The following NREP variants were observed in gnomAD, a reference collection of about 807,000 sequenced individuals.
NREP encodes neuronal regeneration-related protein.
NREP carries 5 observed loss-of-function variants against 8.6 expected under a neutral mutation model. The ratio of observed to expected loss-of-function variants is 0.58; its 90% CI spans 0.30 to 1.22. The LOEUF (loss-of-function observed/expected upper bound fraction) is 1.22. Among genes scored for constraint, NREP ranks in the 50% most tolerant of loss-of-function variants. NREP has a pLI of 0.07. For synonymous variants in NREP, 27 were observed against 28.0 expected (o/e 0.96, Z 0.11); for missense variants, 86 against 82.5 (o/e 1.04, Z -0.17).
intron 2 of NREP, among the ~76,000 whole-genome samples, chr5:111,782,878 T>A (rs541658510): frequency 1.3e-5 from 2 of 151,920 alleles, no homozygotes; most frequent in East Asian, 1.9e-4. Flanking sequence ...GTGATTACAG[T>A]CATATGGCAC....
chr5:111,840,201 A>T (rs1581156899), intron 2 of NREP, among the ~76,000 whole-genome samples: 1 of 152,060 alleles, frequency 6.6e-6, no homozygotes, highest in East Asian at 1.9e-4. Context: ...TGTTAGGGGT[A>T]TATAACACGG....
At chr5:111,756,602 ATTTATT>A (rs1292118830) in intron 1 of NREP, among the ~76,000 whole-genome samples, 1 of 152,194 alleles carries the variant, frequency 6.6e-6, no homozygotes, top group East Asian at 1.9e-4. Flanking sequence ...AAAAACAGTC[ATTTATT>A]TTTAAGGCCC....
intron 2 of NREP, among the ~76,000 whole-genome samples, chr5:111,914,768 T>C (rs1561724843): frequency 6.6e-6 from 1 of 151,920 alleles, no homozygotes; most frequent in Non-Finnish European, 1.5e-5. Context: ...CAAAATGGAG[T>C]TTTTGGCCTC....
chr5:111,958,785 A>G (rs563699530), intron 2 of NREP, among the ~76,000 whole-genome samples: 16 of 152,110 alleles, frequency 1.1e-4, no homozygotes, highest in Admixed American at 8.5e-4. Flanking sequence ...AACACAGACA[A>G]GCTGATTATA....
intron 2 of NREP, among the ~76,000 whole-genome samples, chr5:111,884,044 T>C (rs998157133): frequency 2.0e-5 from 3 of 152,080 alleles, no homozygotes; most frequent in Non-Finnish European, 2.9e-5. Flanking sequence ...AGCTGGTTTT[T>C]TGAAAGGATC....
intron 2 of NREP, among the ~76,000 whole-genome samples, chr5:111,906,536 G>T (rs1176995803): frequency 6.6e-6 from 1 of 151,980 alleles, no homozygotes; most frequent in Admixed American, 6.6e-5. Flanking sequence ...GTACAACATT[G>T]CTTGAAAATA....
At chr5:111,905,731 CAT>C (rs1561720421) in intron 2 of NREP, among the ~76,000 whole-genome samples, 1 of 152,056 alleles carries the variant, frequency 6.6e-6, no homozygotes, top group Non-Finnish European at 1.5e-5. Context: ...CTATATGCAT[CAT>C]AGTTAGACTT....
intron 2 of NREP, among the ~76,000 whole-genome samples, chr5:111,820,399 T>TA: frequency 6.6e-6 from 1 of 152,300 alleles, no homozygotes; most frequent in East Asian, 1.9e-4. Flanking sequence ...AAGTAAGTCT[T>TA]AGAGAGTAGG....
intron 2 of NREP, among the ~76,000 whole-genome samples, chr5:111,972,441 CTT>C (rs1441402502): frequency 6.6e-6 from 1 of 152,178 alleles, no homozygotes; most frequent in Non-Finnish European, 1.5e-5. Flanking sequence ...ATTCTAAACT[CTT>C]TGAAGAATCA....
chr5:111,967,184 C>A (rs1180308369), intron 2 of NREP, among the ~76,000 whole-genome samples: 2 of 152,194 alleles, frequency 1.3e-5, no homozygotes, highest in Non-Finnish European at 2.9e-5. Flanking sequence ...GATTGAGAAA[C>A]CCTGACCTAG....
chr5:111,905,282 A>G (rs181921610), intron 2 of NREP, among the ~76,000 whole-genome samples: 81 of 152,280 alleles, frequency 5.3e-4, no homozygotes, highest in African/African-American at 1.7e-3. Context: ...TAACATTGTA[A>G]GAAACTACCA....
intron 2 of NREP, among the ~76,000 whole-genome samples, chr5:111,782,835 A>G (rs2112884847): frequency 6.6e-6 from 1 of 152,044 alleles, no homozygotes; most frequent in Non-Finnish European, 1.5e-5. Flanking sequence ...CCTGGGTTCA[A>G]GCAATTCTCA....
At chr5:111,756,385 C>T (rs1750713092) in intron 1 of NREP, 1 of 366,812 alleles carries the variant, frequency 2.7e-6, no homozygotes, top group African/African-American at 2.3e-5. Context: ...ACCAAATAAA[C>T]ATTAATGTAC....
At chr5:111,940,900 G>A (rs1755810767) in intron 2 of NREP, among the ~76,000 whole-genome samples, 1 of 152,016 alleles carries the variant, frequency 6.6e-6, no homozygotes, top group Non-Finnish European at 1.5e-5. Flanking sequence ...TCAGCCAAAG[G>A]GAGAGGCACA....
intron 2 of NREP, among the ~76,000 whole-genome samples, chr5:111,877,885 T>C (rs1439767337): frequency 6.6e-5 from 10 of 151,982 alleles, no homozygotes; most frequent in African/African-American, 1.9e-4. Flanking sequence ...GTACCACACA[T>C]AGGGCCACAC....
chr5:111,889,079 T>G (rs1205072364), intron 2 of NREP, among the ~76,000 whole-genome samples: 6 of 152,254 alleles, frequency 3.9e-5, no homozygotes, highest in African/African-American at 1.4e-4. Flanking sequence ...TGTATTAGGC[T>G]CTTCTTGCCT....
At chr5:111,970,063 T>C (rs1041106530) in intron 2 of NREP, among the ~76,000 whole-genome samples, 3 of 152,222 alleles carry the variant, frequency 2.0e-5, no homozygotes, top group African/African-American at 7.2e-5. Context: ...AACTTAAAAA[T>C]GTTTCCTCTT....
At chr5:111,769,011 C>G (rs1751153170) in intron 2 of NREP, among the ~76,000 whole-genome samples, 1 of 152,210 alleles carries the variant, frequency 6.6e-6, no homozygotes, top group Admixed American at 6.5e-5. Flanking sequence ...TCTCTGCAGC[C>G]TTGCCAGCAT....
intron 2 of NREP, among the ~76,000 whole-genome samples, chr5:111,966,688 A>C (rs1756652279): frequency 6.6e-6 from 1 of 152,242 alleles, no homozygotes; most frequent in Non-Finnish European, 1.5e-5. Context: ...AAGTATTATC[A>C]AACAGAAAAT....
Sources: gnomAD v4.1 joint callset for allele counts (sites outside exome capture counted in the v4.1 genomes callset) on GRCh38, gnomAD v4.1.1 for gene constraint, MANE v1.5 for transcripts, NCBI Gene and HGNC (gene_info 2026-07-23, HGNC 2026-07-21) for gene names.